The following RAB8A variants were observed in gnomAD, a reference collection of about 807,000 sequenced individuals.
RAB8A encodes the protein ras-related protein Rab-8A.
In RAB8A, 5 loss-of-function variants were observed where a neutral mutation model predicts 29.2. That is an observed-to-expected ratio of 0.17 (90% CI 0.09 to 0.36). RAB8A has a LOEUF of 0.36. RAB8A is among the 10% of genes least tolerant of loss of function. The pLI, the probability that RAB8A is intolerant of heterozygous loss-of-function variation, is 1.00. For missense variants in RAB8A, 171 were observed against 272.2 expected, an observed-to-expected ratio of 0.63 and a Z score of 2.62; for synonymous variants, 108 against 99.9, an observed-to-expected ratio of 1.08 and a Z score of -0.49.
chr19:16,116,940 C>A (rs544033793), intron 1 of RAB8A, among the ~76,000 whole-genome samples: 2 of 152,018 alleles, frequency 1.3e-5, no homozygotes, highest in African/African-American at 4.8e-5. Flanking sequence ...CCCCATGTGC[C>A]CCCCCAGCCC....
chr19:16,112,147 C>T, intron 1 of RAB8A, 122 bp downstream of exon 1: 1 of 1,380,794 alleles, frequency 7.2e-7, no homozygotes, highest in Non-Finnish European at 9.8e-7. Flanking sequence ...GTCGAGGGGG[C>T]CTAAAGGGAG....
chr19:16,130,175 G>A (rs772892217), intron 7 of RAB8A, among the ~76,000 whole-genome samples: 3 of 151,100 alleles, frequency 2.0e-5, no homozygotes, highest in Admixed American at 6.6e-5. Context: ...TACCACGTTA[G>A]CGATTTCCTA....
At chr19:16,116,821 C>T (rs2090847743) in intron 1 of RAB8A, among the ~76,000 whole-genome samples, 1 of 151,140 alleles carries the variant, frequency 6.6e-6, no homozygotes, top group Admixed American at 6.6e-5. Flanking sequence ...GCCAAGATCG[C>T]ACCACTGCAC....
At position 16,111,911 on chromosome 19, in the gene RAB8A, A is replaced by C; in HGVS notation, c.10A>C (p.Thr4Pro). ...GGGGAGAGAGTGTAATATGGCGAAG[A>C]CCTACGATTACCTGTTCAAGCTGCT... Reference protein sequence around the residue: MAKTYDYLFKLLLI... With the variant: MAKPYDYLFKLLLI... The change falls in exon 1 of 8, where the codon ACC becomes CCC. Residue 4 changes from threonine (T) to proline (P), a missense_variant. Coordinates refer to ENST00000300935, the MANE Select transcript of RAB8A (RefSeq NM_005370.5). The C allele has an allele frequency of 1.2e-6, 2 of 1,613,820 alleles. No individual in the cohort carries two copies. The highest frequency in any genetic ancestry group is 1.7e-6 in the Non-Finnish European group (2 of 1,179,858).
At chr19:16,118,378 T>G in intron 2 of RAB8A, 92 bp downstream of exon 2, 18 of 1,193,744 alleles carry the variant, frequency 1.5e-5, no homozygotes, top group Non-Finnish European at 2.2e-5. Flanking sequence ...CCCTGTGACC[T>G]TGGCCTCCAT....
At chr19:16,119,811 T>TG (rs965556419) in intron 2 of RAB8A, among the ~76,000 whole-genome samples, 3 of 152,036 alleles carry the variant, frequency 2.0e-5, no homozygotes, top group Non-Finnish European at 2.9e-5. Flanking sequence ...TGGTTTTTTT[T>TG]TTTGTTTCTT....
At chr19:16,129,660 C>T (rs1418566601) in intron 7 of RAB8A, 56 bp downstream of exon 7, 6 of 1,563,074 alleles carry the variant, frequency 3.8e-6, no homozygotes, top group Middle Eastern at 1.7e-4. Context: ...CAGCCATCGT[C>T]GTTAGCAGCA....
At position 16,132,290 on chromosome 19, in the gene RAB8A, T is replaced by C; in HGVS notation, c.610T>C (p.Cys204Arg). ...DQQKRSSFFRCVLL is the reference protein window; with the variant it reads ...DQQKRSSFFRRVLL ...GCAGAAGAGGAGCAGCTTTTTCCGA[T>C]GTGTTCTTCTGTGAGGAACACCGCC... Residue 204 changes from cysteine (C) to arginine (R), a missense_variant, in exon 8 of 8, where the codon TGT becomes CGT. Coordinates refer to ENST00000300935, the MANE Select transcript of RAB8A (RefSeq NM_005370.5). This position sits in a 1 kb window ranked among gnomAD's most constrained non-coding sequence, Gnocchi z 5.6. The C allele has an allele frequency of 6.2e-7, 1 of 1,614,002 alleles. No individual in the cohort carries two copies. Among genetic ancestry groups the C allele is most frequent in the Non-Finnish European group, 8.5e-7 (1 of 1,179,994 alleles).
Position 16,125,336 on chromosome 19 carries a change from G to T in RAB8A, c.247-134G>T. 2.8e-6 allele frequency: 2 copies of T among 725,678 alleles called. No individual in the cohort carries two copies. The highest frequency in any genetic ancestry group is 2.4e-6 in the Non-Finnish European group (1 of 424,542). 45.0% of individuals were successfully genotyped at this position (725,678 alleles called of 1,614,324 possible). A position where few individuals can be genotyped will look rare whatever the true frequency, so the allele number is the denominator to read the frequency against. On this transcript the variant is annotated intron_variant, in intron 3 of 7. Coordinates refer to ENST00000300935, the MANE Select transcript of RAB8A (RefSeq NM_005370.5). This position sits in a 1 kb window ranked among gnomAD's most constrained non-coding sequence, Gnocchi z 5.0. ...CTGGCTTCCGGGGCTCCACAGAGGT[G>T]GGGAGGGCGGCAGCTAATGGGCCTG...
chr19:16,125,662 C>A lies in RAB8A; in HGVS notation c.324+115C>A. ...ACACATACAGGCCACTTGCCCACAGCCTCCTAGTCAGGGACATGGTGGGAG... is the reference window on the plus strand; with the variant it reads ...ACACATACAGGCCACTTGCCCACAGACTCCTAGTCAGGGACATGGTGGGAG... On this transcript the variant is annotated intron_variant, in intron 4 of 7. Coordinates refer to ENST00000300935, the MANE Select transcript of RAB8A (RefSeq NM_005370.5). This position sits in a 1 kb window ranked among gnomAD's most constrained non-coding sequence, Gnocchi z 5.0. 2 of 987,434 alleles carry A rather than the reference C, an allele frequency of 2.0e-6. No individual in the cohort carries two copies. Among genetic ancestry groups the A allele is most frequent in the Non-Finnish European group, 3.1e-6 (2 of 635,396 alleles). 61.2% of individuals were successfully genotyped at this position (987,434 alleles called of 1,614,324 possible).
intron 1 of RAB8A, 66 bp from the exon 2 acceptor site, chr19:16,118,160 G>A (rs2233145): frequency 0.051 from 74,524 of 1,459,242 alleles, 2,222 homozygotes; most frequent in Middle Eastern, 0.079. Context: ...GGTTGGTGGC[G>A]CCCAGCTCAG....
chr19:16,118,402 G>C (rs747911256), intron 2 of RAB8A, 116 bp downstream of exon 2: 3 of 920,470 alleles, frequency 3.3e-6, no homozygotes, highest in African/African-American at 1.7e-5. Context: ...TTGGTGCCCA[G>C]TCCTGGCACA....
At position 16,118,249 on chromosome 19, in the gene RAB8A, A is replaced by G. The variant is rs145971722; in HGVS notation, c.148A>G (p.Ile50Val). 427 of 1,610,712 alleles carry G rather than the reference A, an allele frequency of 2.7e-4. 1 individual carries two copies. The highest frequency in any genetic ancestry group is 2.2e-4 in the Non-Finnish European group (256 of 1,179,534). The part of the protein sequence containing the change: ...TIGIDFKIRT[I>V]ELDGKRIKLQ... ...AGGAATTGACTTTAAAATTAGGACC[A>G]TAGAGCTCGATGGCAAGAGAATTAA... The change falls in exon 2 of 8, where the codon ATA (isoleucine) becomes GTA (valine). Residue 50 changes from isoleucine (I) to valine (V), a missense_variant. Around this residue, in one of 3 missense-constraint regions of RAB8A, gnomAD observed 145 missense variants for 212.8 expected, o/e 0.68. Transcript: ENST00000300935.
In RAB8A at chr19:16,133,144, C is replaced by T. The variant is rs2145000630; in HGVS notation, c.*840C>T. The T allele has an allele frequency of 6.6e-6, 1 of 152,490 alleles. No individual in the cohort carries two copies. The highest frequency in any genetic ancestry group is 2.1e-4 in the South Asian group (1 of 4,830). The allele number at this position is 152,490 out of a possible 1,614,324, so 9.4% of individuals were successfully genotyped here. Reference sequence around the variant, plus strand: ...CCACTCCTTCGTGTCCTCCCGCTATCTCCAAATCGGACGTTCTTTCTAGCT... The same window carrying T: ...CCACTCCTTCGTGTCCTCCCGCTATTTCCAAATCGGACGTTCTTTCTAGCT... On this transcript the variant is annotated 3_prime_UTR_variant, in exon 8 of 8. Coordinates refer to ENST00000300935, the MANE Select transcript of RAB8A (RefSeq NM_005370.5).
intron 1 of RAB8A, among the ~76,000 whole-genome samples, chr19:16,117,498 A>AG (rs1345595001): frequency 6.6e-6 from 1 of 152,070 alleles, no homozygotes; most frequent in African/African-American, 2.4e-5. Flanking sequence ...CAAAAAAAAA[A>AG]AAAGAAAGTA....
At chr19:16,120,288 T>A (rs2090868471) in intron 2 of RAB8A, among the ~76,000 whole-genome samples, 1 of 150,442 alleles carries the variant, frequency 6.6e-6, no homozygotes, top group Non-Finnish European at 1.5e-5. Flanking sequence ...CCTGGCTCTG[T>A]CACCAATCAG....
At chr19:16,124,952 C>T in intron 3 of RAB8A, 1 of 190,704 alleles carries the variant, frequency 5.2e-6, no homozygotes, top group Non-Finnish European at 1.1e-5. Flanking sequence ...ACAGCCGGTT[C>T]CCTCTGTGGT....
At chr19:16,120,555 C>A (rs2090869904) in intron 2 of RAB8A, among the ~76,000 whole-genome samples, 1 of 151,114 alleles carries the variant, frequency 6.6e-6, no homozygotes. Flanking sequence ...AGGTGATCTG[C>A]TGGCCTCAGC....
chr19:16,112,398 C>T (rs2090828543), intron 1 of RAB8A: 1 of 230,948 alleles, frequency 4.3e-6, no homozygotes, highest in African/African-American at 2.3e-5. Flanking sequence ...GGGAATTGGC[C>T]ATGGGAAAAA....
Sources: gnomAD v4.1 joint callset for allele counts (sites outside exome capture counted in the v4.1 genomes callset) on GRCh38, gnomAD v4.1.1 for gene constraint, gnomAD v4.1.1 regional missense constraint, Gnocchi (gnomAD v3.1) non-coding constraint, MANE v1.5 for transcripts, NCBI Gene and HGNC (gene_info 2026-07-23, HGNC 2026-07-21) for gene names.